GLIS3: variants seen among roughly 807,000 people sequenced by gnomAD.
GLIS3 encodes zinc finger protein GLIS3.
In GLIS3, 53 loss-of-function variants were observed where a neutral mutation model predicts 78.6. That is an observed-to-expected ratio of 0.67 (90% CI 0.54 to 0.85). The LOEUF (loss-of-function observed/expected upper bound fraction) is 0.85. Among genes scored for constraint, GLIS3 ranks in the 40% least tolerant of loss-of-function variants. The pLI is 0.00. For missense variants in GLIS3, 1,703 were observed against 1,231.1 expected (o/e 1.38, Z -5.74); for synonymous variants, 684 against 509.9 (o/e 1.34, Z -4.60).
intron 2 of GLIS3, among the ~76,000 whole-genome samples, chr9:4,222,034 G>C (rs533936366): frequency 6.6e-6 from 1 of 152,300 alleles, no homozygotes; most frequent in Non-Finnish European, 1.5e-5. Context: ...CTCTTGAGTT[G>C]AAGTTTAGCC....
intron 6 of GLIS3, among the ~76,000 whole-genome samples, chr9:3,907,652 ACAC>A (rs1486260187): frequency 1.5e-4 from 22 of 150,474 alleles, no homozygotes; most frequent in African/African-American, 5.2e-4. Flanking sequence ...ACACACACAC[ACAC>A]TACTAAACAG....
At chr9:4,364,243 C>G in the GLIS3 span, among the ~76,000 whole-genome samples, 3 of 152,298 alleles carry the variant, frequency 2.0e-5, 1 homozygote, top group Middle Eastern at 0.01. Context: ...TAATCCCTCC[C>G]CAAATCTCTG....
the GLIS3 span, among the ~76,000 whole-genome samples, chr9:4,444,344 A>G: frequency 1.3e-5 from 2 of 152,354 alleles, no homozygotes; most frequent in East Asian, 1.9e-4. Flanking sequence ...CATCAGAGAT[A>G]TTATGTAATC....
In GLIS3 at chr9:4,058,706, T is replaced by C. The variant is rs144571209; in HGVS notation, c.1710+59062A>G. ...TATTTTGTGTAAAAGAACCATAGAG[T>C]GCGGTAGCTCAAGCCTGTAATCCCA... On this transcript the variant is annotated intron_variant, in intron 4 of 10. Coordinates refer to ENST00000381971, the MANE Select transcript of GLIS3 (RefSeq NM_001042413.2). Among the ~76,000 whole-genome samples, 1,122 of 152,044 alleles carry C rather than the reference T, an allele frequency of 7.4e-3. 7 individuals carry two copies. The highest frequency in any genetic ancestry group is 0.02 in the Middle Eastern group (6 of 294).
chr9:4,272,801 T>C (rs936704870), intron 2 of GLIS3, among the ~76,000 whole-genome samples: 2 of 152,222 alleles, frequency 1.3e-5, no homozygotes, highest in Non-Finnish European at 2.9e-5. Context: ...TGAATCTAAA[T>C]GTAATGAAAC....
intron 4 of GLIS3, among the ~76,000 whole-genome samples, chr9:4,095,076 G>A (rs1010860435): frequency 2.0e-5 from 3 of 152,028 alleles, no homozygotes; most frequent in African/African-American, 4.8e-5. Flanking sequence ...TATACACTAT[G>A]TTATTATTAA....
intron 4 of GLIS3, among the ~76,000 whole-genome samples, chr9:4,017,446 A>G (rs553627502): frequency 6.4e-4 from 98 of 152,344 alleles, no homozygotes; most frequent in Non-Finnish European, 1.2e-3. Flanking sequence ...GTGCACACAC[A>G]CACACACATG....
intron 4 of GLIS3, among the ~76,000 whole-genome samples, chr9:3,978,115 G>A (rs1818937519): frequency 6.6e-6 from 1 of 152,206 alleles, no homozygotes; most frequent in Non-Finnish European, 1.5e-5. Context: ...GCCCGCTGTA[G>A]AAGTTCCCAT....
intron 4 of GLIS3, among the ~76,000 whole-genome samples, chr9:4,064,651 TG>T (rs763528422): frequency 1.1e-3 from 161 of 152,234 alleles, no homozygotes; most frequent in Non-Finnish European, 1.9e-3. Flanking sequence ...AAAAAATGCC[TG>T]GTGTTGTGGC....
intron 6 of GLIS3, 143 bp downstream of exon 6, chr9:3,932,217 G>C: frequency 1.5e-6 from 1 of 670,160 alleles, no homozygotes; most frequent in Non-Finnish European, 2.8e-6. Flanking sequence ...ATTACTTCAT[G>C]GGAGACTTAC....
Position 3,957,651 on chromosome 9 carries a change from A to G in GLIS3, c.1711-20462T>C, listed in dbSNP as rs183025669. 3.9e-5 allele frequency among the ~76,000 whole-genome samples: 6 copies of G among 152,338 alleles called. No homozygotes were observed. The East Asian group carries it at 5.8e-4, about 15-fold the overall frequency. ...TAAAACCTTGTTATTAGGCACATAC[A>G]TATCGCATGACTCTGGAAAACAGAC... On this transcript the variant is annotated intron_variant, in intron 4 of 10. Coordinates refer to ENST00000381971, the MANE Select transcript of GLIS3 (RefSeq NM_001042413.2).
chr9:4,322,878 G>A (rs1019492308), intron 2 of GLIS3, among the ~76,000 whole-genome samples: 10 of 152,238 alleles, frequency 6.6e-5, no homozygotes, highest in South Asian at 2.1e-4. Context: ...TCACTCTGAT[G>A]GTAGTTTCTT....
intron 4 of GLIS3, among the ~76,000 whole-genome samples, chr9:4,027,280 C>A (rs1823425312): frequency 6.6e-6 from 1 of 152,216 alleles, no homozygotes; most frequent in South Asian, 2.1e-4. Flanking sequence ...ATCCATCCAA[C>A]CAGGTCTTTA....
the GLIS3 span, among the ~76,000 whole-genome samples, chr9:4,454,122 G>C: frequency 0.025 from 3,646 of 144,152 alleles, 171 homozygotes; most frequent in African/African-American, 0.088. Flanking sequence ...TGTTCAGTTT[G>C]ATGAGTTTTG....
the GLIS3 span, among the ~76,000 whole-genome samples, chr9:4,424,534 CTG>C: frequency 1.3e-5 from 2 of 152,248 alleles, no homozygotes; most frequent in South Asian, 4.1e-4. Flanking sequence ...CACTGGGAAA[CTG>C]TAGCAGATAG....
intron 9 of GLIS3, among the ~76,000 whole-genome samples, chr9:3,849,015 T>G (rs74785339): frequency 6.6e-6 from 1 of 152,334 alleles, no homozygotes; most frequent in East Asian, 1.9e-4. Context: ...CCACTGCTGC[T>G]GCACTGATTT....
intron 2 of GLIS3, among the ~76,000 whole-genome samples, chr9:4,167,158 G>T (rs1815933936): frequency 6.6e-6 from 1 of 152,182 alleles, no homozygotes; most frequent in Non-Finnish European, 1.5e-5. Context: ...CATCCAAAGA[G>T]GATAAGGGAG....
the GLIS3 span, among the ~76,000 whole-genome samples, chr9:4,434,995 T>C: frequency 6.6e-6 from 1 of 152,210 alleles, no homozygotes; most frequent in African/African-American, 2.4e-5. Context: ...TACCAAATTG[T>C]ATGATTTGGA....
intron 2 of GLIS3, among the ~76,000 whole-genome samples, chr9:4,283,587 C>A (rs1430356646): frequency 6.6e-6 from 1 of 152,164 alleles, no homozygotes; most frequent in African/African-American, 2.4e-5. Context: ...AGTTTAACTG[C>A]CCACTTGTTT....
Sources: allele counts gnomAD v4.1 joint callset (sites outside exome capture counted in the v4.1 genomes callset), GRCh38; gene constraint gnomAD v4.1.1; transcripts MANE v1.5; gene names NCBI Gene and HGNC (gene_info 2026-07-23, HGNC 2026-07-21).